The following ACVR1C variants were observed in gnomAD, a reference collection of about 807,000 sequenced individuals.
ACVR1C encodes the protein activin A receptor type 1C.
ACVR1C carries 23 observed loss-of-function variants against 57.9 expected under a neutral mutation model. The ratio of observed to expected loss-of-function variants is 0.40; its 90% CI spans 0.29 to 0.56. The LOEUF is 0.56. ACVR1C is among the 20% of genes least tolerant of loss of function. The pLI, the probability that ACVR1C is intolerant of heterozygous loss-of-function variation, is 0.50. For missense variants in ACVR1C, 480 were observed against 607.9 expected, an observed-to-expected ratio of 0.79 and a Z score of 2.21; for synonymous variants, 214 against 215.3, an observed-to-expected ratio of 0.99 and a Z score of 0.05.
intron 1 of ACVR1C, among the ~76,000 whole-genome samples, chr2:157,593,121 T>C (rs1689082207): frequency 6.6e-6 from 1 of 152,066 alleles, no homozygotes; most frequent in Non-Finnish European, 1.5e-5. Flanking sequence ...GTTACCCACA[T>C]CAACTAAAGG....
In ACVR1C at chr2:157,530,519, A is replaced by G. The variant is rs1687329289; in HGVS notation, c.*3399T>C. On this transcript the variant is annotated 3_prime_UTR_variant, in exon 9 of 9. Coordinates refer to ENST00000243349, the MANE Select transcript of ACVR1C (RefSeq NM_145259.3). Reference sequence around the variant, plus strand: ...TGTTTTGTTTTATTAGTAATTCTACAATAGTAGGTGTAATAAAATAATAAA... The same window carrying G: ...TGTTTTGTTTTATTAGTAATTCTACGATAGTAGGTGTAATAAAATAATAAA... The G allele has an allele frequency of 6.6e-6, 1 of 152,152 alleles. No homozygotes were observed. The highest frequency in any genetic ancestry group is 6.6e-5 in the Admixed American group (1 of 15,240). 9.4% of individuals were successfully genotyped at this position (152,152 alleles called of 1,614,324 possible).
intron 1 of ACVR1C, among the ~76,000 whole-genome samples, chr2:157,618,859 T>C (rs556904445): frequency 2.0e-5 from 3 of 151,804 alleles, no homozygotes; most frequent in East Asian, 1.9e-4. Context: ...ATAATCCTAA[T>C]TGTGTATGTA....
chr2:157,628,138 T>G (rs1357455139), intron 1 of ACVR1C, among the ~76,000 whole-genome samples: 1 of 152,028 alleles, frequency 6.6e-6, no homozygotes, highest in Non-Finnish European at 1.5e-5. Context: ...CATGCCACCA[T>G]CCTTGAGCAG....
intron 1 of ACVR1C, among the ~76,000 whole-genome samples, chr2:157,609,513 T>C (rs1249754521): frequency 6.6e-6 from 1 of 152,014 alleles, no homozygotes; most frequent in Admixed American, 6.5e-5. Flanking sequence ...TTAAATCCAA[T>C]GTTTCTTTGT....
chr2:157,597,471 C>A (rs1379856079), intron 1 of ACVR1C: 1 of 985,344 alleles, frequency 1.0e-6, no homozygotes, highest in Non-Finnish European at 1.2e-6. Context: ...CGCCGGGATG[C>A]CCCAGCTTTC....
intron 1 of ACVR1C, among the ~76,000 whole-genome samples, chr2:157,617,205 C>T (rs149337183): frequency 1.4e-4 from 21 of 151,878 alleles, no homozygotes; most frequent in Non-Finnish European, 2.8e-4. Flanking sequence ...TAAAGAGGGA[C>T]GTCTTATATT....
rs377518751 is a variant in ACVR1C, at chr2:157,530,154, T to C, written c.*3764A>G. ...TGTAATGATGTGTTTGTGAATTTATTTTAAAGGAATGATTATTGAAGACAT... is the reference window on the plus strand; with the variant it reads ...TGTAATGATGTGTTTGTGAATTTATCTTAAAGGAATGATTATTGAAGACAT... On this transcript the variant is annotated 3_prime_UTR_variant, in exon 9 of 9. Coordinates refer to ENST00000243349, the MANE Select transcript of ACVR1C (RefSeq NM_145259.3). The C allele has an allele frequency of 2.0e-4, 31 of 152,148 alleles. No homozygotes were observed. The highest frequency in any genetic ancestry group is 7.2e-4 in the African/African-American group (30 of 41,440). 9.4% of individuals were successfully genotyped at this position (152,148 alleles called of 1,614,324 possible). A position where few individuals can be genotyped will look rare whatever the true frequency, so the allele number is the denominator to read the frequency against.
chr2:157,552,427 C>G (rs995610219), intron 3 of ACVR1C, among the ~76,000 whole-genome samples: 2 of 152,212 alleles, frequency 1.3e-5, no homozygotes, highest in African/African-American at 2.4e-5. Flanking sequence ...GCCACTGCAA[C>G]CAGCCTGGAC....
intron 2 of ACVR1C, among the ~76,000 whole-genome samples, chr2:157,576,225 G>A (rs80253316): frequency 2.5e-5 from 1 of 39,300 alleles, no homozygotes; most frequent in African/African-American, 1.3e-4. Context: ...TTTTTTTTTG[G>A]CGACGGAGTC....
intron 1 of ACVR1C, among the ~76,000 whole-genome samples, chr2:157,605,886 A>T (rs573701303): frequency 6.6e-6 from 1 of 151,814 alleles, no homozygotes; most frequent in South Asian, 2.1e-4. Flanking sequence ...ATCAAACATT[A>T]GAACTTATTT....
chr2:157,590,661 G>A (rs748052243), intron 1 of ACVR1C, among the ~76,000 whole-genome samples: 1 of 151,872 alleles, frequency 6.6e-6, no homozygotes, highest in African/African-American at 2.4e-5. Flanking sequence ...ATATTTATGT[G>A]ATACAGAAGA....
At chr2:157,590,765 G>C (rs1366187563) in intron 1 of ACVR1C, among the ~76,000 whole-genome samples, 1 of 151,922 alleles carries the variant, frequency 6.6e-6, no homozygotes, top group Non-Finnish European at 1.5e-5. Flanking sequence ...CTTGCAAAAA[G>C]AGAAGTCATA....
chr2:157,614,859 C>T (rs1218707260), intron 1 of ACVR1C, among the ~76,000 whole-genome samples: 1 of 152,140 alleles, frequency 6.6e-6, no homozygotes, highest in East Asian at 1.9e-4. Context: ...GTTGTACTTT[C>T]AATCTATTTG....
In ACVR1C at chr2:157,532,563, T is replaced by A. The variant is rs141399963; in HGVS notation, c.*1355A>T. ...TGTTTTAGGAGCATAAAAGACATCA[T>A]GTTAAATCTCGTTTACCAAAGTAAA... On this transcript the variant is annotated 3_prime_UTR_variant, in exon 9 of 9. Coordinates refer to ENST00000243349, the MANE Select transcript of ACVR1C (RefSeq NM_145259.3). 1 of 152,222 alleles carries A rather than the reference T, an allele frequency of 6.6e-6. No homozygotes were observed. The highest frequency in any genetic ancestry group is 1.9e-4 in the East Asian group (1 of 5,186). 9.4% of individuals were successfully genotyped at this position (152,222 alleles called of 1,614,324 possible).
At chr2:157,602,298 T>C (rs982984452) in intron 1 of ACVR1C, among the ~76,000 whole-genome samples, 2 of 152,042 alleles carry the variant, frequency 1.3e-5, no homozygotes, top group African/African-American at 4.8e-5. Flanking sequence ...AGAAAAGCTA[T>C]CAATAAACAT....
intron 1 of ACVR1C, among the ~76,000 whole-genome samples, chr2:157,598,314 A>T (rs985553605): frequency 1.3e-5 from 2 of 151,770 alleles, no homozygotes; most frequent in African/African-American, 4.8e-5. Flanking sequence ...TACCTCATAA[A>T]TATATACAAT....
intron 2 of ACVR1C, among the ~76,000 whole-genome samples, chr2:157,562,858 A>G (rs879806915): frequency 7.4e-5 from 10 of 134,844 alleles, no homozygotes; most frequent in Non-Finnish European, 1.0e-4. Context: ...AACAAAACCA[A>G]TGACAAAAAC....
chr2:157,532,309 C>T lies in ACVR1C; in HGVS notation c.*1609G>A, dbSNP rs1024185258. On this transcript the variant is annotated 3_prime_UTR_variant, in exon 9 of 9. Transcript: ENST00000243349. ...TCCTCTTAATAAAAGGGTTCCACCA[C>T]GATCAGGTAATCTGAGCAATCCAGT... 2.3e-4 allele frequency: 35 copies of T among 150,540 alleles called. No individual in the cohort carries two copies. The highest frequency in any genetic ancestry group is 6.8e-4 in the African/African-American group (28 of 40,970). 9.3% of individuals were successfully genotyped at this position (150,540 alleles called of 1,614,324 possible).
At chr2:157,566,702 A>G (rs2105235867) in intron 2 of ACVR1C, among the ~76,000 whole-genome samples, 1 of 151,754 alleles carries the variant, frequency 6.6e-6, no homozygotes, top group Admixed American at 6.6e-5. Context: ...CCTGGCTCAG[A>G]GGGTCCTACG....
Sources: gnomAD v4.1 joint callset for allele counts (sites outside exome capture counted in the v4.1 genomes callset) on GRCh38, gnomAD v4.1.1 for gene constraint, MANE v1.5 for transcripts, NCBI Gene and HGNC (gene_info 2026-07-23, HGNC 2026-07-21) for gene names.